Variants in GUCA1C observed in about 807,000 individuals in gnomAD.
GUCA1C encodes guanylyl cyclase-activating protein 3.
In GUCA1C, 15 loss-of-function variants were observed where a neutral mutation model predicts 16.2. The ratio of observed to expected loss-of-function variants is 0.93; its 90% CI spans 0.62 to 1.43. GUCA1C has a LOEUF of 1.43. Among genes scored for constraint, GUCA1C ranks in the 40% most tolerant of loss-of-function variants. GUCA1C has a pLI of 0.00. For synonymous variants in GUCA1C, 78 were observed against 85.4 expected, an observed-to-expected ratio of 0.91 and a Z score of 0.48; for missense variants, 275 against 244.8, an observed-to-expected ratio of 1.12 and a Z score of -0.82.
chr3:108,954,753 TTGA>T (rs1946932229), upstream of GUCA1C, among the ~76,000 whole-genome samples: 3 of 139,424 alleles, frequency 2.2e-5, no homozygotes, highest in Non-Finnish European at 4.7e-5. Flanking sequence ...TTTTTTTTTT[TTGA>T]GATGGAGTCT....
chr3:108,922,963 T>C (rs965196243), intron 1 of GUCA1C, among the ~76,000 whole-genome samples: 7 of 152,204 alleles, frequency 4.6e-5, no homozygotes, highest in Admixed American at 2.0e-4. Flanking sequence ...GCTTCATCCA[T>C]GTCCCTGCAA....
intron 1 of GUCA1C, among the ~76,000 whole-genome samples, chr3:108,924,383 T>A (rs1559842991): frequency 6.6e-6 from 1 of 152,204 alleles, no homozygotes. Context: ...ATGCTTTTTC[T>A]GTGTCTATTG....
intron 2 of GUCA1C, among the ~76,000 whole-genome samples, chr3:108,918,809 T>C (rs1344077610): frequency 2.0e-5 from 3 of 152,194 alleles, no homozygotes; most frequent in Non-Finnish European, 4.4e-5. Context: ...GCCCATTATA[T>C]AGAAAGTGTG....
chr3:108,925,822 C>G (rs1480937433), intron 1 of GUCA1C, among the ~76,000 whole-genome samples: 1 of 151,948 alleles, frequency 6.6e-6, no homozygotes, highest in East Asian at 1.9e-4. Flanking sequence ...CATAGTGGCT[C>G]ACGCCTGTAA....
chr3:108,935,453 G>A (rs1248608840), intron 1 of GUCA1C, among the ~76,000 whole-genome samples: 1 of 152,070 alleles, frequency 6.6e-6, no homozygotes, highest in Admixed American at 6.5e-5. Context: ...CACTTTGGGA[G>A]GCCGAGGAAG....
intron 2 of GUCA1C, among the ~76,000 whole-genome samples, chr3:108,917,325 A>T (rs1018555306): frequency 2.0e-5 from 3 of 152,136 alleles, no homozygotes; most frequent in African/African-American, 7.3e-5. Context: ...TGATTTGTTC[A>T]TCACCAATCT....
At chr3:108,928,790 G>T (rs1484816159) in intron 1 of GUCA1C, among the ~76,000 whole-genome samples, 1 of 152,050 alleles carries the variant, frequency 6.6e-6, no homozygotes, top group Non-Finnish European at 1.5e-5. Flanking sequence ...CCATCATATT[G>T]ATTGATGTAA....
chr3:108,942,970 C>T (rs1239033511), intron 1 of GUCA1C, among the ~76,000 whole-genome samples: 2 of 152,210 alleles, frequency 1.3e-5, no homozygotes, highest in Non-Finnish European at 2.9e-5. Context: ...TTCATAAAGA[C>T]ATTCATTGCC....
At chr3:108,923,028 T>C (rs1488624064) in intron 1 of GUCA1C, among the ~76,000 whole-genome samples, 1 of 152,088 alleles carries the variant, frequency 6.6e-6, no homozygotes, top group African/African-American at 2.4e-5. Flanking sequence ...TTTGTTTGGT[T>C]TTTTCTTGTT....
At chr3:108,925,476 G>T (rs1946614325) in intron 1 of GUCA1C, among the ~76,000 whole-genome samples, 1 of 152,144 alleles carries the variant, frequency 6.6e-6, no homozygotes, top group Non-Finnish European at 1.5e-5. Context: ...TTCCACTGCA[G>T]TCTGAGAGAC....
intron 1 of GUCA1C, among the ~76,000 whole-genome samples, chr3:108,939,323 G>GATTTTTTTTTT: frequency 3.0e-5 from 1 of 33,226 alleles, no homozygotes; most frequent in Non-Finnish European, 7.9e-5. Flanking sequence ...TTGCTTCAAG[G>GATTTTTTTTTT]CTTTTTTTTT....
intron 1 of GUCA1C, among the ~76,000 whole-genome samples, chr3:108,949,935 A>G (rs942587667): frequency 6.6e-6 from 1 of 152,166 alleles, no homozygotes; most frequent in Non-Finnish European, 1.5e-5. Flanking sequence ...TTCAAGTATG[A>G]AATATTTTAT....
intron 1 of GUCA1C, among the ~76,000 whole-genome samples, chr3:108,944,442 C>T (rs569342381): frequency 6.6e-6 from 1 of 152,086 alleles, no homozygotes; most frequent in Non-Finnish European, 1.5e-5. Flanking sequence ...GTGATTGAGG[C>T]CCTGAATTTT....
At chr3:108,934,500 C>T (rs1447278362) in intron 1 of GUCA1C, among the ~76,000 whole-genome samples, 1 of 152,174 alleles carries the variant, frequency 6.6e-6, no homozygotes, top group African/African-American at 2.4e-5. Context: ...TTTCACCCAG[C>T]AATCCCATTA....
At chr3:108,951,636 T>C (rs1946897271) in intron 1 of GUCA1C, among the ~76,000 whole-genome samples, 2 of 152,200 alleles carry the variant, frequency 1.3e-5, no homozygotes, top group South Asian at 4.1e-4. Context: ...ATCCTTACCC[T>C]TGTCATTTTA....
At chr3:108,937,028 C>A (rs1946733973) in intron 1 of GUCA1C, among the ~76,000 whole-genome samples, 1 of 152,150 alleles carries the variant, frequency 6.6e-6, no homozygotes, top group African/African-American at 2.4e-5. Context: ...ACTTTCAGCA[C>A]CCCATAGACA....
chr3:108,937,491 T>A (rs1193549284), intron 1 of GUCA1C, among the ~76,000 whole-genome samples: 2 of 152,222 alleles, frequency 1.3e-5, no homozygotes, highest in Admixed American at 6.5e-5. Context: ...GTAATGTCAT[T>A]AAGGGAACTT....
At chr3:108,919,495 T>G (rs12636468) in intron 2 of GUCA1C, among the ~76,000 whole-genome samples, 54,396 of 151,972 alleles carry the variant, frequency 0.36, 10,081 homozygotes, top group African/African-American at 0.43. Flanking sequence ...CACATTTTTT[T>G]TGTGTGAATG....
chr3:108,946,132 G>A (rs1310030168), intron 1 of GUCA1C, among the ~76,000 whole-genome samples: 2 of 152,132 alleles, frequency 1.3e-5, no homozygotes, highest in Non-Finnish European at 2.9e-5. Flanking sequence ...TTTAATGATT[G>A]TGGTAATTTG....
Sources: gnomAD v4.1 joint callset for allele counts (sites outside exome capture counted in the v4.1 genomes callset) on GRCh38, gnomAD v4.1.1 for gene constraint, MANE v1.5 for transcripts, NCBI Gene and HGNC (gene_info 2026-07-23, HGNC 2026-07-21) for gene names.